Variants in DPH6 observed in about 807,000 individuals in gnomAD.
DPH6 encodes the protein diphthine--ammonia ligase.
A neutral mutation model predicts 38.2 loss-of-function variants in DPH6; 33 were observed. The ratio of observed to expected loss-of-function variants is 0.86; its 90% CI spans 0.65 to 1.15. DPH6 has a LOEUF of 1.15. DPH6 is among the 50% of genes most tolerant of loss of function. The pLI, the probability that DPH6 is intolerant of heterozygous loss-of-function variation, is 0.00. For synonymous variants in DPH6, 108 were observed against 103.0 expected (o/e 1.05, Z -0.30); for missense variants, 325 against 320.0 (o/e 1.02, Z -0.12).
At chr15:35,171,937 G>C in the DPH6 span, among the ~76,000 whole-genome samples, 1 of 151,932 alleles carries the variant, frequency 6.6e-6, no homozygotes, top group Non-Finnish European at 1.5e-5. Flanking sequence ...GCGCAGTCTT[G>C]GCTCACTGCA....
chr15:35,201,679 G>A, the DPH6 span, among the ~76,000 whole-genome samples: 1 of 151,378 alleles, frequency 6.6e-6, no homozygotes, highest in African/African-American at 2.4e-5. Context: ...TTCTTATTCA[G>A]GATATTACCG....
At chr15:35,342,402 T>G (rs768088493) in intron 3 of DPH6, among the ~76,000 whole-genome samples, 4 of 152,238 alleles carry the variant, frequency 2.6e-5, no homozygotes, top group Non-Finnish European at 5.9e-5. Context: ...ACTGCTTCCC[T>G]TGGCTAGGGG....
chr15:35,343,255 T>G (rs987205133), intron 3 of DPH6, among the ~76,000 whole-genome samples: 2 of 152,284 alleles, frequency 1.3e-5, no homozygotes, highest in South Asian at 2.1e-4. Context: ...TTAAAATACA[T>G]TTTTGTAATG....
At chr15:35,456,985 G>C (rs1420483696) in intron 3 of DPH6, among the ~76,000 whole-genome samples, 1 of 151,112 alleles carries the variant, frequency 6.6e-6, no homozygotes, top group East Asian at 2.0e-4. Flanking sequence ...TACTTATTTA[G>C]AGACAGAGTC....
chr15:35,383,984 A>G (rs534876684), intron 6 of DPH6, among the ~76,000 whole-genome samples: 5 of 152,340 alleles, frequency 3.3e-5, no homozygotes, highest in African/African-American at 1.2e-4. Context: ...TAGGTATGTG[A>G]AGCATCCAGA....
chr15:35,381,261 G>C (rs1187838840), intron 7 of DPH6, among the ~76,000 whole-genome samples: 1 of 152,102 alleles, frequency 6.6e-6, no homozygotes, highest in Non-Finnish European at 1.5e-5. Context: ...ACTGAAGAAA[G>C]TTTCTGTTTT....
intron 3 of DPH6, among the ~76,000 whole-genome samples, chr15:35,501,667 A>T (rs2054629718): frequency 6.6e-6 from 1 of 152,168 alleles, no homozygotes; most frequent in Non-Finnish European, 1.5e-5. Flanking sequence ...ATAAAACAAA[A>T]ATCTGGTCAT....
chr15:35,414,127 G>T (rs958408955), intron 5 of DPH6, among the ~76,000 whole-genome samples: 6 of 151,502 alleles, frequency 4.0e-5, no homozygotes, highest in African/African-American at 1.5e-4. Flanking sequence ...TATTTACAAT[G>T]TTTATGCTCA....
chr15:35,187,437 A>G, the DPH6 span, among the ~76,000 whole-genome samples: 2 of 152,184 alleles, frequency 1.3e-5, no homozygotes, highest in African/African-American at 4.8e-5. Flanking sequence ...TAACTACTCA[A>G]AATGAACTGA....
chr15:35,447,124 C>T (rs57255857), intron 5 of DPH6, among the ~76,000 whole-genome samples: 32,649 of 152,028 alleles, frequency 0.21, 4,565 homozygotes, highest in African/African-American at 0.4. Context: ...CCGCCTCGGC[C>T]TCCCAAAGTG....
intron 3 of DPH6, among the ~76,000 whole-genome samples, chr15:35,363,990 G>A (rs2052635905): frequency 6.6e-6 from 1 of 151,840 alleles, no homozygotes; most frequent in African/African-American, 2.4e-5. Flanking sequence ...GAGACATCAT[G>A]TTATTCTTAC....
chr15:35,221,848 T>C (rs182572274), intron 3 of DPH6, among the ~76,000 whole-genome samples: 1 of 152,344 alleles, frequency 6.6e-6, no homozygotes, highest in East Asian at 1.9e-4. Context: ...AAATCACTTC[T>C]CTTTTCTGAC....
chr15:35,532,911 CT>C (rs2055109338), intron 3 of DPH6, among the ~76,000 whole-genome samples: 1 of 151,878 alleles, frequency 6.6e-6, no homozygotes, highest in Admixed American at 6.6e-5. Context: ...TGAGAACAGC[CT>C]GGTCAACATG....
chr15:35,198,429 T>C, the DPH6 span, among the ~76,000 whole-genome samples: 2 of 152,176 alleles, frequency 1.3e-5, no homozygotes, highest in African/African-American at 4.8e-5. Flanking sequence ...CTGGAAAAAA[T>C]ATATACACAT....
chr15:35,345,110 G>C (rs1221063159), intron 3 of DPH6, among the ~76,000 whole-genome samples: 2 of 151,826 alleles, frequency 1.3e-5, no homozygotes, highest in East Asian at 3.9e-4. Context: ...AGTGAACTAA[G>C]ACAATAGAAG....
At chr15:35,537,375 C>T (rs565104294) in intron 3 of DPH6, among the ~76,000 whole-genome samples, 27 of 152,158 alleles carry the variant, frequency 1.8e-4, no homozygotes, top group South Asian at 8.3e-4. Context: ...GCTTGAATTC[C>T]CTACTTCATC....
intron 3 of DPH6, among the ~76,000 whole-genome samples, chr15:35,341,503 T>G (rs2052421298): frequency 6.6e-6 from 1 of 152,220 alleles, no homozygotes; most frequent in African/African-American, 2.4e-5. Flanking sequence ...CTTTGTGGGC[T>G]TATTTTCCTT....
intron 8 of DPH6, 29 bp from the exon 9 acceptor site, chr15:35,372,232 G>T: frequency 2.5e-6 from 3 of 1,184,848 alleles, no homozygotes; most frequent in Admixed American, 2.9e-5. Context: ...GAAAGGGAAG[G>T]AAAATGCACC....
At chr15:35,315,828 T>C (rs1046284521) in intron 3 of DPH6, among the ~76,000 whole-genome samples, 2 of 152,160 alleles carry the variant, frequency 1.3e-5, no homozygotes, top group Non-Finnish European at 2.9e-5. Flanking sequence ...GAAAATGTGG[T>C]ATAGATACAC....
Sources: gnomAD v4.1 joint callset for allele counts (sites outside exome capture counted in the v4.1 genomes callset) on GRCh38, gnomAD v4.1.1 for gene constraint, MANE v1.5 for transcripts, NCBI Gene and HGNC (gene_info 2026-07-23, HGNC 2026-07-21) for gene names.